Variants in RIC1 observed in about 807,000 individuals in gnomAD.
The protein encoded by RIC1 is guanine nucleotide exchange factor subunit RIC1.
In RIC1, 88 loss-of-function variants were observed where a neutral mutation model predicts 169.0. The observed-to-expected ratio is 0.52, with a 90% CI of 0.44 to 0.62. RIC1 has a LOEUF of 0.62. Ranked by LOEUF, RIC1 falls within the 20% of genes least tolerant of loss-of-function variation. The pLI is 0.00. For synonymous variants in RIC1, 790 were observed against 601.5 expected, an observed-to-expected ratio of 1.31 and a Z score of -4.59; for missense variants, 1,877 against 1,725.5, an observed-to-expected ratio of 1.09 and a Z score of -1.56.
chr9:5,643,967 A>G (rs1021411355), intron 1 of RIC1, among the ~76,000 whole-genome samples: 3 of 152,224 alleles, frequency 2.0e-5, no homozygotes, highest in African/African-American at 7.2e-5. Flanking sequence ...TCACAAATCT[A>G]CTGTCCCCCA....
chr9:5,741,308 TTTTG>T (rs1825070886), intron 8 of RIC1, among the ~76,000 whole-genome samples: 2 of 152,174 alleles, frequency 1.3e-5, no homozygotes, highest in South Asian at 2.1e-4. Flanking sequence ...AAGGGAAGAA[TTTTG>T]TTTGTTTTTC....
chr9:5,749,908 A>T (rs946002226), intron 12 of RIC1, among the ~76,000 whole-genome samples: 1 of 150,208 alleles, frequency 6.7e-6, no homozygotes, highest in African/African-American at 2.5e-5. Flanking sequence ...CCTCCCAAGT[A>T]GCTGGGATTA....
chr9:5,682,983 C>A (rs554749174), intron 2 of RIC1, among the ~76,000 whole-genome samples: 7 of 152,184 alleles, frequency 4.6e-5, no homozygotes, highest in Non-Finnish European at 1.0e-4. Flanking sequence ...GCATTCGTCA[C>A]GTAGTTCTCG....
chr9:5,763,269 G>A lies in RIC1; in HGVS notation c.2242G>A (p.Val748Ile), dbSNP rs1466100208. Residue 748 changes from valine to isoleucine, a missense_variant, in exon 19 of 26, where the codon GTT becomes ATT. Coordinates refer to ENST00000414202, the MANE Select transcript of RIC1 (RefSeq NM_020829.4). The surrounding 1 kb of genome is among the most constrained non-coding windows in gnomAD (Gnocchi z 5.2). ...WLSCGGAGMK[V>I]WLPLFPRDHR... is the part of the protein sequence containing the mutation. Reference sequence around the variant, plus strand: ...GAGCTGTGGTGGTGCAGGGATGAAAGTTTGGCTCCCTCTCTTCCCTAGGGA... The same window carrying A: ...GAGCTGTGGTGGTGCAGGGATGAAAATTTGGCTCCCTCTCTTCCCTAGGGA... The A allele has an allele frequency of 8.7e-6, 14 of 1,614,172 alleles. No individual in the cohort carries two copies. Among genetic ancestry groups the A allele is most frequent in the Non-Finnish European group, 1.1e-5 (13 of 1,180,022 alleles).
chr9:5,656,014 C>T (rs562475433), intron 1 of RIC1, among the ~76,000 whole-genome samples: 1 of 152,052 alleles, frequency 6.6e-6, no homozygotes, highest in South Asian at 2.1e-4. Flanking sequence ...GGACTACAGG[C>T]GCCTGCCACC....
intron 1 of RIC1, among the ~76,000 whole-genome samples, chr9:5,639,713 C>A (rs142910916): frequency 3.9e-5 from 6 of 152,308 alleles, no homozygotes; most frequent in African/African-American, 1.4e-4. Flanking sequence ...ATATTGAGGT[C>A]TAGCTCTCTC....
At chr9:5,688,039 T>G (rs972379876) in intron 2 of RIC1, among the ~76,000 whole-genome samples, 10 of 152,214 alleles carry the variant, frequency 6.6e-5, no homozygotes, top group African/African-American at 2.4e-4. Flanking sequence ...GTATTTCTGT[T>G]TCTAGAGTTT....
In RIC1 at chr9:5,746,025, A is replaced by G. The variant is rs1342290522; in HGVS notation, c.1190A>G (p.Gln397Arg). The change falls in exon 11 of 26, where the codon CAG becomes CGG. Residue 397 changes from glutamine (Q) to arginine (R), a missense_variant. Gln to Arg is a conservative substitution (Grantham distance 43). Transcript: ENST00000414202. ...TCTGACCTCAGGAGTGTAGTTAAAC[A>G]GCCCAGCATCCTGTTATTTCAGTTT... Reference protein sequence around the residue: ...IESDLRSVVKQPSILLFQFIK... With the variant: ...IESDLRSVVKRPSILLFQFIK... 6.2e-7 allele frequency: 1 copy of G among 1,613,800 alleles called. No individual in the cohort carries two copies. The highest frequency in any genetic ancestry group is 1.7e-5 in the Admixed American group (1 of 60,012).
At position 5,705,741 on chromosome 9, in the gene RIC1, A is replaced by T. The variant is rs539985456; in HGVS notation, c.333-8155A>T. ...GCGGGAAAACTTTCAGTCAGTAAAC[A>T]GTCATTTACTGTTGAGTAAGATGTT... On this transcript the variant is annotated intron_variant, in intron 3 of 25. Transcript: ENST00000414202. Among the ~76,000 whole-genome samples the T allele has an allele frequency of 1.2e-3, 185 of 152,346 alleles. 2 individuals carry two copies. The highest frequency in any genetic ancestry group is 2.1e-4 in the Non-Finnish European group (14 of 68,026).
intron 2 of RIC1, among the ~76,000 whole-genome samples, chr9:5,662,430 G>A (rs1000477701): frequency 4.6e-5 from 7 of 151,328 alleles, no homozygotes; most frequent in African/African-American, 1.5e-4. Flanking sequence ...TTGTACCTCT[G>A]GTAGAATTCA....
intron 23 of RIC1, among the ~76,000 whole-genome samples, chr9:5,771,373 T>C (rs1827210148): frequency 6.6e-6 from 1 of 152,224 alleles, no homozygotes; most frequent in East Asian, 1.9e-4. Flanking sequence ...TTCATCCTTT[T>C]TGGAGCATGT....
intron 8 of RIC1, among the ~76,000 whole-genome samples, chr9:5,741,009 A>G (rs572111823): frequency 6.6e-6 from 1 of 152,284 alleles, no homozygotes; most frequent in Non-Finnish European, 1.5e-5. Flanking sequence ...ATCCCTTGGA[A>G]TTTCTTTTAA....
chr9:5,640,504 T>C (rs150849465), intron 1 of RIC1, among the ~76,000 whole-genome samples: 26 of 152,328 alleles, frequency 1.7e-4, no homozygotes, highest in African/African-American at 6.3e-4. Flanking sequence ...TCTTTATTGG[T>C]TCGTTTCATC....
chr9:5,777,089 T>C (rs184949407), downstream of RIC1, among the ~76,000 whole-genome samples: 8 of 152,260 alleles, frequency 5.3e-5, no homozygotes, highest in African/African-American at 1.9e-4. Flanking sequence ...CATCATAGTT[T>C]AGATTTTCAT....
chr9:5,680,609 C>T (rs1820759903), intron 2 of RIC1, among the ~76,000 whole-genome samples: 1 of 152,136 alleles, frequency 6.6e-6, no homozygotes, highest in Non-Finnish European at 1.5e-5. Context: ...TTATCCATTT[C>T]TTCTAGATTT....
chr9:5,660,010 C>G (rs992064503), intron 2 of RIC1, among the ~76,000 whole-genome samples: 1 of 152,164 alleles, frequency 6.6e-6, no homozygotes, highest in Admixed American at 6.6e-5. Context: ...CGCCCTGCCC[C>G]TCCATCCTCT....
At chr9:5,672,080 A>G (rs1402814976) in intron 2 of RIC1, among the ~76,000 whole-genome samples, 1 of 152,130 alleles carries the variant, frequency 6.6e-6, no homozygotes, top group Non-Finnish European at 1.5e-5. Flanking sequence ...CGGCCCTTCT[A>G]CTCAGAGACA....
chr9:5,690,052 C>T lies in RIC1; in HGVS notation c.332+14C>T. 1.3e-6 allele frequency: 2 copies of T among 1,526,256 alleles called. No individual in the cohort carries two copies. Among genetic ancestry groups the T allele is most frequent in the Non-Finnish European group, 1.8e-6 (2 of 1,121,466 alleles). The allele number at this position is 1,526,256 out of a possible 1,614,324, so 94.5% of individuals were successfully genotyped here. A position where few individuals can be genotyped will look rare whatever the true frequency, so the allele number is the denominator to read the frequency against. On this transcript the variant is annotated intron_variant, in intron 3 of 25. Transcript: ENST00000414202. ...AGTGTATCCCAAGTAAGTTTGTTGC[C>T]TTTCATTCTTTTAATATGTGATTTG...
intron 3 of RIC1, among the ~76,000 whole-genome samples, chr9:5,697,655 GA>G (rs1476230057): frequency 6.6e-6 from 1 of 152,140 alleles, no homozygotes; most frequent in African/African-American, 2.4e-5. Context: ...TTTAGGAAAA[GA>G]AATCGTTCTG....
Sources: gnomAD v4.1 joint callset for allele counts (sites outside exome capture counted in the v4.1 genomes callset) on GRCh38, gnomAD v4.1.1 for gene constraint, Gnocchi (gnomAD v3.1) non-coding constraint, MANE v1.5 for transcripts, NCBI Gene and HGNC (gene_info 2026-07-23, HGNC 2026-07-21) for gene names.